The following RASGRP3 variants were observed in gnomAD, a reference collection of about 807,000 sequenced individuals.
The protein encoded by RASGRP3 is RAS guanyl releasing protein 3, also known as ras guanyl-releasing protein 3.
In RASGRP3, 54 loss-of-function variants were observed where a neutral mutation model predicts 82.7. That is an observed-to-expected ratio of 0.65 (90% CI 0.52 to 0.82). RASGRP3 has a LOEUF of 0.82. Among genes scored for constraint, RASGRP3 ranks in the 40% least tolerant of loss-of-function variants. The pLI is 0.00. For synonymous variants in RASGRP3, 309 were observed against 300.5 expected (o/e 1.03, Z -0.29); for missense variants, 861 against 828.9 (o/e 1.04, Z -0.48).
intron 1 of RASGRP3, among the ~76,000 whole-genome samples, chr2:33,441,641 A>G (rs1027758504): frequency 6.6e-6 from 1 of 152,270 alleles, no homozygotes; most frequent in African/African-American, 2.4e-5. Flanking sequence ...TAAACTTTCT[A>G]ATCATTAAAA....
intron 2 of RASGRP3, among the ~76,000 whole-genome samples, chr2:33,461,960 G>A (rs1196932477): frequency 6.6e-6 from 1 of 152,196 alleles, no homozygotes; most frequent in Non-Finnish European, 1.5e-5. Context: ...CAAGGGGTTT[G>A]GCACTAAGGC....
chr2:33,526,796 T>C (rs567332867), intron 9 of RASGRP3, among the ~76,000 whole-genome samples: 16 of 152,372 alleles, frequency 1.1e-4, no homozygotes, highest in Admixed American at 7.2e-4. Context: ...ATAACAATTT[T>C]AATATTCGAC....
chr2:33,493,874 A>G lies in RASGRP3; in HGVS notation c.-261+17167A>G, dbSNP rs138660149. On this transcript the variant is annotated intron_variant, in intron 1 of 17. Transcript: ENST00000403687. ...GAGAAGAAATTCCATGACTGGTGAT[A>G]GCATATAGCTGTTTCATTTCTCCGT... Among the ~76,000 whole-genome samples, 5 of 152,332 alleles carry G rather than the reference A, an allele frequency of 3.3e-5. No individual in the cohort carries two copies. The East Asian group carries it at 9.6e-4, about 29-fold the overall frequency.
At position 33,547,342 on chromosome 2, in the gene RASGRP3, C is replaced by CTTTTTTTTTTTTTTTTTTTTTTTTT. The variant is rs59601670; in HGVS notation, c.1395-2257_1395-2233dup. 1.5e-4 allele frequency among the ~76,000 whole-genome samples: 10 copies of CTTTTTTTTTTTTTTTTTTTTTTTTT among 68,208 alleles called. 1 individual carries two copies. The highest frequency in any genetic ancestry group is 4.6e-4 in the African/African-American group (8 of 17,330). 44.7% of individuals were successfully genotyped at this position (68,208 alleles called of 152,430 possible). On this transcript the variant is annotated intron_variant, in intron 13 of 17. Coordinates refer to ENST00000403687, the MANE Select transcript of RASGRP3 (RefSeq NM_001139488.2). ...CCCGCAAGCTTGAGAATATAGAATCCTTTTTTTTTTTTTTTTTTTTTTTTT... is the reference window on the plus strand; with the variant it reads ...CCCGCAAGCTTGAGAATATAGAATCCTTTTTTTTTTTTTTTTTTTTTTTTTTTTTTTTTTTTTTTTTTTTTTTTTT...
At chr2:33,466,960 C>A (rs142072041) in intron 2 of RASGRP3, among the ~76,000 whole-genome samples, 2 of 151,926 alleles carry the variant, frequency 1.3e-5, no homozygotes, top group Non-Finnish European at 2.9e-5. Context: ...GTCAACCTCA[C>A]GAAAAGTCAT....
intron 13 of RASGRP3, among the ~76,000 whole-genome samples, chr2:33,544,132 G>A (rs1467150538): frequency 6.6e-6 from 1 of 152,012 alleles, no homozygotes; most frequent in Non-Finnish European, 1.5e-5. Context: ...TGGCCAACAT[G>A]GTGAAACTCT....
chr2:33,476,206 A>C (rs1667352650), upstream of RASGRP3: 1 of 152,012 alleles, frequency 6.6e-6, no homozygotes, highest in African/African-American at 2.4e-5. Context: ...ACGAAACCAA[A>C]CAGTTGTACT....
At chr2:33,470,464 C>G (rs537388900) in intron 2 of RASGRP3, among the ~76,000 whole-genome samples, 4 of 151,702 alleles carry the variant, frequency 2.6e-5, no homozygotes, top group African/African-American at 9.7e-5. Flanking sequence ...ACTGCAAGCT[C>G]CGCCTGACGG....
chr2:33,515,258 TTCCTC>T (rs1671339285), intron 3 of RASGRP3, 52 bp downstream of exon 3: 12 of 1,590,578 alleles, frequency 7.5e-6, no homozygotes, highest in Non-Finnish European at 1.0e-5. Flanking sequence ...TGCTCTCACT[TTCCTC>T]TATTCAGAGG....
intron 2 of RASGRP3, among the ~76,000 whole-genome samples, chr2:33,450,034 T>A (rs1665704348): frequency 6.6e-6 from 1 of 152,202 alleles, no homozygotes; most frequent in Non-Finnish European, 1.5e-5. Flanking sequence ...CACTTGGGAC[T>A]AGAGTCTTCG....
chr2:33,486,542 G>A (rs1365622819), intron 1 of RASGRP3, among the ~76,000 whole-genome samples: 1 of 152,068 alleles, frequency 6.6e-6, no homozygotes, highest in Non-Finnish European at 1.5e-5. Context: ...TTATCCCATA[G>A]GATTTTACTG....
rs144716086 is a variant in RASGRP3, at chr2:33,515,032, G to A, written c.-105G>A. On this transcript the variant is annotated 5_prime_UTR_variant, in exon 3 of 18. Transcript: ENST00000403687. Reference sequence around the variant, plus strand: ...TAGAGTTTTCTTGAAGTACAACTAAGGACAGGTCACCACTAGGCACTAACA... The same window carrying A: ...TAGAGTTTTCTTGAAGTACAACTAAAGACAGGTCACCACTAGGCACTAACA... 3.5e-4 allele frequency: 362 copies of A among 1,032,796 alleles called. 1 individual carries two copies. In the East Asian group the frequency reaches 7.1e-3, roughly 20 times the overall value. The allele number at this position is 1,032,796 out of a possible 1,614,324, so 64.0% of individuals were successfully genotyped here.
At chr2:33,519,163 A>T (rs906416305) in intron 4 of RASGRP3, among the ~76,000 whole-genome samples, 3 of 152,198 alleles carry the variant, frequency 2.0e-5, no homozygotes, top group African/African-American at 7.2e-5. Context: ...TTACAACATT[A>T]TGCTGGCTAC....
chr2:33,450,818 C>CTTTTTTTTTTTTTTTTTTTTTTTTTTTT lies in RASGRP3; in HGVS notation c.-261+2878_-261+2879insTTTTTTTTTTTTTTTTTTTTTTTTTTTT, dbSNP rs879744839. Among the ~76,000 whole-genome samples the CTTTTTTTTTTTTTTTTTTTTTTTTTTTT allele has an allele frequency of 1.6e-3, 68 of 43,408 alleles. 15 individuals are homozygous for CTTTTTTTTTTTTTTTTTTTTTTTTTTTT. Among genetic ancestry groups the CTTTTTTTTTTTTTTTTTTTTTTTTTTTT allele is most frequent in the Non-Finnish European group, 2.3e-3 (50 of 21,640 alleles). 28.5% of individuals were successfully genotyped at this position (43,408 alleles called of 152,430 possible). On this transcript the variant is annotated intron_variant, in intron 2 of 18. Coordinates refer to the RASGRP3 transcript ENST00000402538. ...CTTTTCTTTCTTTTTCTCTTTCTTTCTTTCTTTTTTTTTTTTTTTTTTTTT... is the reference window on the plus strand; with the variant it reads ...CTTTTCTTTCTTTTTCTCTTTCTTTCTTTTTTTTTTTTTTTTTTTTTTTTTTTTTTTCTTTTTTTTTTTTTTTTTTTTT...
At chr2:33,540,358 C>G (rs1370320715) in intron 12 of RASGRP3, among the ~76,000 whole-genome samples, 1 of 145,960 alleles carries the variant, frequency 6.9e-6, no homozygotes, top group East Asian at 1.9e-4. Flanking sequence ...TAGTAACAGA[C>G]CCAGCTTGGA....
chr2:33,447,124 AG>A (rs930652472), intron 1 of RASGRP3, among the ~76,000 whole-genome samples: 1 of 151,038 alleles, frequency 6.6e-6, no homozygotes, highest in Non-Finnish European at 1.5e-5. Context: ...AAAAAAAAAA[AG>A]AGGGGGAAGC....
intron 12 of RASGRP3, among the ~76,000 whole-genome samples, chr2:33,540,556 T>TTGTG (rs377215232): frequency 0.015 from 593 of 38,566 alleles, 18 homozygotes; most frequent in Middle Eastern, 0.026. Flanking sequence ...TGTGTGTGTT[T>TTGTG]TGTGTGTGTG....
At chr2:33,523,316 T>G (rs1672204371) in intron 7 of RASGRP3, among the ~76,000 whole-genome samples, 1 of 151,932 alleles carries the variant, frequency 6.6e-6, no homozygotes, top group Non-Finnish European at 1.5e-5. Flanking sequence ...ACTAAAAAAT[T>G]TAGCCAGGTG....
At chr2:33,510,833 A>G (rs1670862128) in intron 1 of RASGRP3, among the ~76,000 whole-genome samples, 1 of 152,150 alleles carries the variant, frequency 6.6e-6, no homozygotes, top group Non-Finnish European at 1.5e-5. Context: ...ATTTTTTTTA[A>G]TGGAGAGGTT....
Sources: allele counts gnomAD v4.1 joint callset (sites outside exome capture counted in the v4.1 genomes callset), GRCh38; gene constraint gnomAD v4.1.1; transcripts MANE v1.5; gene names NCBI Gene and HGNC (gene_info 2026-07-23, HGNC 2026-07-21).